Variants in AGTPBP1 observed in about 807,000 individuals in gnomAD.
AGTPBP1 encodes cytosolic carboxypeptidase 1.
In AGTPBP1, 70 loss-of-function variants were observed where a neutral mutation model predicts 143.9. That is an observed-to-expected ratio of 0.49 (90% CI 0.40 to 0.59). AGTPBP1 has a LOEUF of 0.59. Ranked by LOEUF, AGTPBP1 falls within the 20% of genes least tolerant of loss-of-function variation. The pLI is 0.00. For missense variants in AGTPBP1, 1,229 were observed against 1,464.5 expected (o/e 0.84, Z 2.62); for synonymous variants, 463 against 500.2 (o/e 0.93, Z 0.99).
At chr9:85,725,900 A>AT (rs199589384) in intron 1 of AGTPBP1, among the ~76,000 whole-genome samples, 2,248 of 151,790 alleles carry the variant, frequency 0.015, 25 homozygotes, top group Middle Eastern at 0.037. Context: ...ACAAAAAAAA[A>AT]TAGCCAGGCG....
chr9:85,803,243 C>T, the AGTPBP1 span, among the ~76,000 whole-genome samples: 5 of 152,222 alleles, frequency 3.3e-5, no homozygotes, highest in African/African-American at 1.2e-4. Flanking sequence ...AAAGACCCTA[C>T]TACCTAATCA....
the AGTPBP1 span, among the ~76,000 whole-genome samples, chr9:85,762,177 T>C: frequency 4.5e-4 from 68 of 152,276 alleles, 1 homozygote; most frequent in East Asian, 0.012. Flanking sequence ...TTGGTGGGAC[T>C]GTAAACTAGT....
chr9:85,764,722 T>C, the AGTPBP1 span: 1 of 1,218,816 alleles, frequency 8.2e-7, no homozygotes, highest in Non-Finnish European at 1.2e-6. Context: ...TAAACACAGA[T>C]AGTTTGAAAG....
chr9:85,644,419 G>A (rs765363289), intron 12 of AGTPBP1, among the ~76,000 whole-genome samples: 1 of 150,336 alleles, frequency 6.7e-6, no homozygotes. Flanking sequence ...CTTACATAGT[G>A]GCTATTTGGA....
At chr9:85,656,860 A>AT (rs1250213413) in intron 10 of AGTPBP1, among the ~76,000 whole-genome samples, 1 of 152,220 alleles carries the variant, frequency 6.6e-6, no homozygotes, top group Non-Finnish European at 1.5e-5. Context: ...GGATCCACAG[A>AT]TACCTCATGA....
chr9:85,661,109 A>G (rs906342807), intron 8 of AGTPBP1, 136 bp from the exon 9 acceptor site: 7 of 675,414 alleles, frequency 1.0e-5, no homozygotes, highest in Non-Finnish European at 1.6e-5. Flanking sequence ...TAAGATAATT[A>G]CACATGGTAT....
the AGTPBP1 span, chr9:85,756,229 T>C: frequency 1.3e-6 from 2 of 1,593,602 alleles, no homozygotes; most frequent in Non-Finnish European, 1.7e-6. Context: ...ACCTGGAAAA[T>C]AAGAAATTGA....
intron 14 of AGTPBP1, among the ~76,000 whole-genome samples, chr9:85,622,647 GA>G (rs1347528709): frequency 1.3e-5 from 2 of 151,820 alleles, no homozygotes; most frequent in African/African-American, 2.4e-5. Context: ...AGTCTATCAG[GA>G]AAAAAAGATC....
the AGTPBP1 span, among the ~76,000 whole-genome samples, chr9:85,773,214 G>A: frequency 0.024 from 2,933 of 124,416 alleles, 108 homozygotes; most frequent in African/African-American, 0.084. Context: ...GCAGTGAGCC[G>A]AGATTGCACG....
intron 14 of AGTPBP1, among the ~76,000 whole-genome samples, chr9:85,628,655 T>C (rs1440807200): frequency 2.0e-5 from 3 of 152,196 alleles, no homozygotes; most frequent in African/African-American, 7.2e-5. Context: ...GTTTTTCTCA[T>C]CGCAAATTTT....
At chr9:85,764,121 AG>A in the AGTPBP1 span, among the ~76,000 whole-genome samples, 1 of 152,210 alleles carries the variant, frequency 6.6e-6, no homozygotes, top group Non-Finnish European at 1.5e-5. Context: ...TTAGAAAATA[AG>A]AAAAAAGAAA....
the AGTPBP1 span, among the ~76,000 whole-genome samples, chr9:85,795,856 G>GTTTTTTT: frequency 4.8e-4 from 34 of 70,696 alleles, 1 homozygote; most frequent in African/African-American, 8.2e-4. Flanking sequence ...CTTCTTCTTA[G>GTTTTTTT]TTTTTTTTTT....
At chr9:85,698,679 C>CTT (rs34248388) in intron 2 of AGTPBP1, among the ~76,000 whole-genome samples, 2,994 of 76,656 alleles carry the variant, frequency 0.039, 365 homozygotes, top group East Asian at 0.11. Flanking sequence ...CCACCTAACC[C>CTT]TTTTTTTTTT....
In AGTPBP1 at chr9:85,728,623, A is replaced by T. The variant is rs189626138; in HGVS notation, c.-34+13152T>A. 5.6e-4 allele frequency among the ~76,000 whole-genome samples: 86 copies of T among 152,318 alleles called. 1 individual carries two copies. The highest frequency in any genetic ancestry group is 1.1e-3 in the Non-Finnish European group (72 of 68,026). ...TTATTTCAAATTAAACAAAACAAAAACAGGTTTCATGTGAACAAGATGAAC... is the reference window on the plus strand; with the variant it reads ...TTATTTCAAATTAAACAAAACAAAATCAGGTTTCATGTGAACAAGATGAAC... On this transcript the variant is annotated intron_variant, in intron 1 of 25. Transcript: ENST00000357081.
chr9:85,764,889 T>A, the AGTPBP1 span: 1 of 1,227,114 alleles, frequency 8.1e-7, no homozygotes, highest in East Asian at 2.3e-5. Context: ...ATTTTTAAGA[T>A]GAAAAACTTA....
At chr9:85,643,094 C>T (rs1178242786) in intron 12 of AGTPBP1, 151 bp from the exon 13 acceptor site, 1 of 603,782 alleles carries the variant, frequency 1.7e-6, no homozygotes, top group Non-Finnish European at 2.8e-6. Flanking sequence ...ATCTTAAATT[C>T]AAATTTGCTT....
chr9:85,646,440 AAGT>A, intron 11 of AGTPBP1, 22 bp from the exon 12 acceptor site: 1 of 1,586,308 alleles, frequency 6.3e-7, no homozygotes, highest in Non-Finnish European at 8.6e-7. Flanking sequence ...AATGTGCTAT[AAGT>A]AGGTCAGAGG....
intron 24 of AGTPBP1, 134 bp downstream of exon 24, chr9:85,578,786 T>C: frequency 1.1e-6 from 1 of 906,626 alleles, no homozygotes; most frequent in East Asian, 2.9e-5. Context: ...AGACTGCATA[T>C]GATTCCATTA....
chr9:85,763,687 C>T, the AGTPBP1 span, among the ~76,000 whole-genome samples: 310 of 151,992 alleles, frequency 2.0e-3, 2 homozygotes, highest in Non-Finnish European at 3.8e-3. Flanking sequence ...CCATAATACA[C>T]AGTCAGTAGA....
Sources: allele counts gnomAD v4.1 joint callset (sites outside exome capture counted in the v4.1 genomes callset), GRCh38; gene constraint gnomAD v4.1.1; transcripts MANE v1.5; gene names NCBI Gene and HGNC (gene_info 2026-07-23, HGNC 2026-07-21).